The following YEATS4 variants were observed in gnomAD, a reference collection of about 807,000 sequenced individuals.
YEATS4 encodes the protein YEATS domain containing 4, also known as YEATS domain-containing protein 4.
Under a neutral mutation model 30.1 loss-of-function variants are expected in YEATS4, and 17 were observed. That is an observed-to-expected ratio of 0.56 (90% CI 0.39 to 0.85). The LOEUF (loss-of-function observed/expected upper bound fraction) is 0.85. Among genes scored for constraint, YEATS4 ranks in the 40% least tolerant of loss-of-function variants. The pLI is 0.00. For missense variants in YEATS4, 142 were observed against 268.3 expected (o/e 0.53, Z 3.29); for synonymous variants, 85 against 87.5 (o/e 0.97, Z 0.16).
chr12:69,404,103 A>C, the YEATS4 span, among the ~76,000 whole-genome samples: 1 of 152,026 alleles, frequency 6.6e-6, no homozygotes, highest in East Asian at 1.9e-4. Flanking sequence ...TTTCACGCTA[A>C]TTGTCACAAG....
At chr12:69,398,704 A>G in the YEATS4 span, among the ~76,000 whole-genome samples, 1 of 151,800 alleles carries the variant, frequency 6.6e-6, no homozygotes, top group Non-Finnish European at 1.5e-5. Context: ...AGTCCCAGCT[A>G]CTTGGGAGGC....
intron 6 of YEATS4, among the ~76,000 whole-genome samples, chr12:69,381,181 C>T (rs990882770): frequency 1.2e-4 from 19 of 152,058 alleles, no homozygotes; most frequent in Admixed American, 4.6e-4. Flanking sequence ...CCTACAGCTG[C>T]GACCGTAAAA....
At chr12:69,367,601 A>T (rs183031480) in intron 4 of YEATS4, among the ~76,000 whole-genome samples, 2 of 152,328 alleles carry the variant, frequency 1.3e-5, no homozygotes, top group East Asian at 3.9e-4. Flanking sequence ...CCTGGGCTCA[A>T]GCATTCCTCT....
downstream of YEATS4, among the ~76,000 whole-genome samples, chr12:69,393,940 A>G (rs753683118): frequency 1.3e-5 from 2 of 152,244 alleles, no homozygotes; most frequent in Non-Finnish European, 1.5e-5. Flanking sequence ...ACACTGTCTC[A>G]CAAGATGACA....
Sources: gnomAD v4.1 joint callset for allele counts (sites outside exome capture counted in the v4.1 genomes callset) on GRCh38, gnomAD v4.1.1 for gene constraint, MANE v1.5 for transcripts, NCBI Gene and HGNC (gene_info 2026-07-23, HGNC 2026-07-21) for gene names.